The following PTPRD variants were observed in gnomAD, a reference collection of about 807,000 sequenced individuals.
The protein encoded by PTPRD is receptor-type tyrosine-protein phosphatase delta.
Under a neutral mutation model 214.5 loss-of-function variants are expected in PTPRD, and 34 were observed. That is an observed-to-expected ratio of 0.16 (90% CI 0.12 to 0.21). The LOEUF (loss-of-function observed/expected upper bound fraction) is 0.21, where lower values mean the gene tolerates loss of function less well. PTPRD is among the 10% of genes least tolerant of loss of function. The pLI is 1.00. For missense variants in PTPRD, 2,545 were observed against 2,398.7 expected, an observed-to-expected ratio of 1.06 and a Z score of -1.27; for synonymous variants, 1,128 against 845.7, an observed-to-expected ratio of 1.33 and a Z score of -5.79.
intron 10 of PTPRD, among the ~76,000 whole-genome samples, chr9:9,077,858 G>A (rs545331534): frequency 6.6e-6 from 1 of 152,162 alleles, no homozygotes; most frequent in African/African-American, 2.4e-5. Context: ...TAGTCCCTCT[G>A]TGTACATTTT....
At chr9:9,146,259 T>C (rs1376543373) in intron 10 of PTPRD, among the ~76,000 whole-genome samples, 1 of 152,196 alleles carries the variant, frequency 6.6e-6, no homozygotes, top group African/African-American at 2.4e-5. Context: ...TTTGTTATTT[T>C]TTTTTTAAAT....
intron 14 of PTPRD, among the ~76,000 whole-genome samples, chr9:8,558,063 C>T (rs945397595): frequency 3.9e-5 from 6 of 152,028 alleles, no homozygotes; most frequent in African/African-American, 1.4e-4. Context: ...GCCTTTGATT[C>T]TTTTCCCGAT....
intron 10 of PTPRD, among the ~76,000 whole-genome samples, chr9:9,069,208 C>A (rs1330070896): frequency 8.6e-5 from 13 of 152,010 alleles, no homozygotes; most frequent in Admixed American, 8.5e-4. Flanking sequence ...CATTTAAATA[C>A]CATTGCTAAA....
At chr9:8,621,478 G>T (rs76185784) in intron 14 of PTPRD, among the ~76,000 whole-genome samples, 3 of 151,762 alleles carry the variant, frequency 2.0e-5, no homozygotes, top group African/African-American at 4.8e-5. Context: ...AACCCCAGTC[G>T]TACTGGGCAA....
At chr9:10,138,542 G>A (rs530655331) in intron 3 of PTPRD, among the ~76,000 whole-genome samples, 2 of 152,130 alleles carry the variant, frequency 1.3e-5, no homozygotes, top group African/African-American at 4.8e-5. Context: ...ATCAAGGGAG[G>A]ATGCACTATT....
chr9:8,742,517 T>C (rs1392430564), intron 11 of PTPRD, among the ~76,000 whole-genome samples: 2 of 152,218 alleles, frequency 1.3e-5, no homozygotes, highest in African/African-American at 4.8e-5. Context: ...ACATTTACTT[T>C]TCAAATGTTA....
rs946981800 is a variant in PTPRD, at chr9:8,315,656, TTTTC to T, written c.*2214_*2217del. 24 of 227,936 alleles carry T rather than the reference TTTTC, an allele frequency of 1.1e-4. No individual in the cohort carries two copies. Among genetic ancestry groups the T allele is most frequent in the African/African-American group, 3.6e-4 (16 of 45,056 alleles). The allele number at this position is 227,936 out of a possible 1,614,324, so 14.1% of individuals were successfully genotyped here. ...ATTATATATATTTTCTTTTTTTTCT[TTTTC>T]TTTGTTTTTTACAAAAGTGCTCAAA... On this transcript the variant is annotated 3_prime_UTR_variant, in exon 46 of 46. Coordinates refer to ENST00000381196, the MANE Select transcript of PTPRD (RefSeq NM_002839.4).
chr9:10,102,390 C>T (rs947850058), intron 3 of PTPRD, among the ~76,000 whole-genome samples: 6 of 146,342 alleles, frequency 4.1e-5, no homozygotes, highest in Middle Eastern at 3.2e-3. Flanking sequence ...CAGATTATTG[C>T]TAGAAGGATG....
intron 12 of PTPRD, among the ~76,000 whole-genome samples, chr9:8,699,611 T>G (rs1026279266): frequency 2.0e-5 from 3 of 152,192 alleles, no homozygotes; most frequent in Admixed American, 1.3e-4. Flanking sequence ...TCTACTTGGT[T>G]GGGCCAGTAA....
intron 11 of PTPRD, among the ~76,000 whole-genome samples, chr9:8,801,726 GAATA>G (rs1004323312): frequency 2.0e-5 from 3 of 152,042 alleles, no homozygotes; most frequent in Non-Finnish European, 2.9e-5. Flanking sequence ...TTTAAAAAAT[GAATA>G]AATAAATAAT....
chr9:8,731,240 C>G (rs2098655041), intron 12 of PTPRD, among the ~76,000 whole-genome samples: 1 of 152,162 alleles, frequency 6.6e-6, no homozygotes, highest in Non-Finnish European at 1.5e-5. Flanking sequence ...ATTAACATGG[C>G]AAACTAGAGT....
intron 4 of PTPRD, among the ~76,000 whole-genome samples, chr9:9,939,862 T>C (rs562489331): frequency 2.0e-5 from 3 of 152,288 alleles, no homozygotes; most frequent in East Asian, 1.9e-4. Flanking sequence ...AGAGCAAATA[T>C]CATTCTCTCC....
chr9:8,919,756 T>C (rs1268981778), intron 11 of PTPRD, among the ~76,000 whole-genome samples: 1 of 151,520 alleles, frequency 6.6e-6, no homozygotes, highest in Non-Finnish European at 1.5e-5. Context: ...TATACATGCA[T>C]GCATGCATCC....
chr9:8,323,949 C>T (rs551656530), intron 44 of PTPRD, among the ~76,000 whole-genome samples: 1 of 152,204 alleles, frequency 6.6e-6, no homozygotes, highest in African/African-American at 2.4e-5. Context: ...ATGTGGCAAA[C>T]TTCATTATTA....
intron 12 of PTPRD, among the ~76,000 whole-genome samples, chr9:8,728,233 A>G (rs2098608918): frequency 1.3e-5 from 2 of 152,216 alleles, no homozygotes; most frequent in Non-Finnish European, 2.9e-5. Flanking sequence ...CTGGGTAACA[A>G]GAGCAAAACT....
At chr9:9,200,761 T>C (rs1593421624) in intron 9 of PTPRD, among the ~76,000 whole-genome samples, 1 of 152,168 alleles carries the variant, frequency 6.6e-6, no homozygotes, top group Non-Finnish European at 1.5e-5. Context: ...GCTTTTGCAG[T>C]GAATAAATGT....
At chr9:10,075,500 AAAT>A (rs1292777465) in intron 3 of PTPRD, among the ~76,000 whole-genome samples, 1 of 151,940 alleles carries the variant, frequency 6.6e-6, no homozygotes, top group Non-Finnish European at 1.5e-5. Context: ...TTTATGAAAT[AAAT>A]AATATTTTAT....
chr9:9,727,845 T>G (rs562490483), intron 7 of PTPRD, among the ~76,000 whole-genome samples: 8 of 152,312 alleles, frequency 5.3e-5, no homozygotes, highest in African/African-American at 1.9e-4. Flanking sequence ...TGGGTTGAAC[T>G]CCACATGTAG....
In PTPRD at chr9:8,859,644, G is replaced by A. The variant is rs146723678; in HGVS notation, c.-103-125698C>T. Among the ~76,000 whole-genome samples, 554 of 152,222 alleles carry A rather than the reference G, an allele frequency of 3.6e-3. 4 individuals are homozygous for A. Among genetic ancestry groups the A allele is most frequent in the African/African-American group, 0.013 (522 of 41,542 alleles). On this transcript the variant is annotated intron_variant, in intron 11 of 45. Coordinates refer to ENST00000381196, the MANE Select transcript of PTPRD (RefSeq NM_002839.4). ...GACTTAATGATCCAGCATGCTGACT[G>A]CTGTCTCAAGCTGCCCATTTGTTTC...
Sources: allele counts gnomAD v4.1 joint callset (sites outside exome capture counted in the v4.1 genomes callset), GRCh38; gene constraint gnomAD v4.1.1; transcripts MANE v1.5; gene names NCBI Gene and HGNC (gene_info 2026-07-23, HGNC 2026-07-21).